Variants in CDC42BPG observed in about 807,000 individuals in gnomAD.
CDC42BPG encodes the protein CDC42 binding protein kinase gamma.
Under a neutral mutation model 192.2 loss-of-function variants are expected in CDC42BPG, and 157 were observed. The ratio of observed to expected loss-of-function variants is 0.82; its 90% CI spans 0.72 to 0.93. The LOEUF is 0.93. CDC42BPG is among the 40% of genes least tolerant of loss of function. The pLI, the probability that CDC42BPG is intolerant of heterozygous loss-of-function variation, is 0.00. For synonymous variants in CDC42BPG, 981 were observed against 918.5 expected (o/e 1.07, Z -1.23); for missense variants, 1,992 against 2,122.1 (o/e 0.94, Z 1.20).
chr11:64,830,107 T>C, intron 29 of CDC42BPG, 37 bp from the exon 30 acceptor site: 7 of 1,608,862 alleles, frequency 4.4e-6, no homozygotes, highest in Non-Finnish European at 5.9e-6. Flanking sequence ...CACTGGCAGG[T>C]GGTTGAAGAG....
rs1376237336 is a variant in CDC42BPG at position 64,827,125 on chromosome 11, CGA to C, written c.4312_4313del (p.Ser1438AlafsTer108). On this transcript the variant is annotated frameshift_variant, in exon 34 of 37. Transcript: ENST00000342711. LOFTEE classifies it high-confidence loss of function. ...KDPFVRSKLI[S>X]PPTNFNHLVH... is the part of the protein sequence containing the mutation. ...CTAGGTGGTTGAAGTTGGTAGGCGG[CGA>C]GATGAGCTTGGAGCGCACAAAAGGG... The C allele has an allele frequency of 1.2e-6, 2 of 1,613,996 alleles. No homozygotes were observed. Among genetic ancestry groups the C allele is most frequent in the African/African-American group, 1.3e-5 (1 of 74,920 alleles).
At position 64,827,695 on chromosome 11, in the gene CDC42BPG, C is replaced by T. The variant is rs537285307; in HGVS notation, c.4056G>A (p.Pro1352=). The stretch of plus-strand genomic sequence containing the variant: ...TCTGGCGGACCCTCACCTTCTTGAG[C>T]GGCACGGTCTGCACCCATTCTGCCC... ...VRRAEWVQTV[P]LKKVRPLNPE... The change falls in exon 31 of 37, where the codon CCG becomes CCA. Residue 1352 remains proline, a synonymous_variant. Coordinates refer to ENST00000342711, the MANE Select transcript of CDC42BPG (RefSeq NM_017525.3). The T allele has an allele frequency of 6.2e-6, 10 of 1,610,746 alleles. No homozygotes were observed. Among genetic ancestry groups the T allele is most frequent in the Middle Eastern group, 1.7e-4 (1 of 6,058 alleles).
Position 64,837,020 on chromosome 11 carries a change from C to A in CDC42BPG, c.1206-1G>T. On this transcript the variant is annotated splice_acceptor_variant, in intron 9 of 36. Transcript: ENST00000342711. LOFTEE classifies it high-confidence loss of function. ...CTCAGAGCTGCTCTCAGGACTGTGA[C>A]TGTAGGGGGACAGGGGCCATGTTTG... The A allele has an allele frequency of 6.2e-7, 1 of 1,612,096 alleles. No individual in the cohort carries two copies. The highest frequency in any genetic ancestry group is 2.2e-5 in the East Asian group (1 of 44,876).
In CDC42BPG at chr11:64,838,080, C is replaced by T. The variant is rs1268420370; in HGVS notation, c.1205+3G>A. On this transcript the variant is annotated splice_donor_region_variant and intron_variant, in intron 9 of 36. Coordinates refer to ENST00000342711, the MANE Select transcript of CDC42BPG (RefSeq NM_017525.3). ...CCACCAGGTGTGTGAGGACTAGCCT[C>T]ACCTGCCTGAGGTGTAGGTGAAGCC... The T allele has an allele frequency of 3.2e-6, 5 of 1,550,282 alleles. No homozygotes were observed. The East Asian group carries it at 7.3e-5, about 23-fold the overall frequency.
rs767875186 is a variant in CDC42BPG at position 64,824,546 on chromosome 11, AG to A, written c.4600-18del. 1.3e-6 allele frequency: 2 copies of A among 1,584,552 alleles called. No homozygotes were observed. Among genetic ancestry groups the A allele is most frequent in the Admixed American group, 3.4e-5 (2 of 59,694 alleles). ...TTCTGAGACCTGCAGGAGAAAGAAA[AG>A]GAAGTCAAGGGGTAGGATCAGGAAG... On this transcript the variant is annotated intron_variant, in intron 36 of 36. Coordinates refer to ENST00000342711, the MANE Select transcript of CDC42BPG (RefSeq NM_017525.3).
rs759836617 is a variant in CDC42BPG at position 64,832,672 on chromosome 11, C to A, written c.2937G>T (p.Leu979=). The A allele has an allele frequency of 4.3e-6, 7 of 1,613,516 alleles. No individual in the cohort carries two copies. In the East Asian group the frequency reaches 1.3e-4, roughly 31 times the overall value. Residue 979 remains leucine, a synonymous_variant, in exon 26 of 37, where the codon CTG becomes CTT. Coordinates refer to ENST00000342711, the MANE Select transcript of CDC42BPG (RefSeq NM_017525.3). ...VFAALSDSRL[L]LFDAPDLRLS... is the part of the protein sequence containing the mutation. ...GCCTCAGGTCAGGGGCGTCAAACAGCAGCAGGCGTGAGTCACTCAGGGCAG... is the reference window on the plus strand; with the variant it reads ...GCCTCAGGTCAGGGGCGTCAAACAGAAGCAGGCGTGAGTCACTCAGGGCAG...
chr11:64,833,465 G>T, intron 23 of CDC42BPG, 129 bp from the exon 24 acceptor site: 1 of 998,112 alleles, frequency 1.0e-6, no homozygotes, highest in Non-Finnish European at 1.5e-6. Flanking sequence ...TATGGCGGCA[G>T]GCAAGCTCAT....
intron 36 of CDC42BPG, 113 bp from the exon 37 acceptor site, chr11:64,824,642 C>T: frequency 1.5e-6 from 1 of 681,282 alleles, no homozygotes; most frequent in Non-Finnish European, 2.6e-6. Context: ...GTATCAGGGC[C>T]CCTGGAGGAA....
In CDC42BPG at chr11:64,835,046, C is replaced by A. The variant is rs1215718782; in HGVS notation, c.2060+1G>T. On this transcript the variant is annotated splice_donor_variant, in intron 17 of 36. Coordinates refer to ENST00000342711, the MANE Select transcript of CDC42BPG (RefSeq NM_017525.3). LOFTEE classifies it high-confidence loss of function. ...CACCCCGACCCACCCCTGGCACCCACCAGCTGAGGATGTCGGCGAGCTGGG... is the reference window on the plus strand; with the variant it reads ...CACCCCGACCCACCCCTGGCACCCAACAGCTGAGGATGTCGGCGAGCTGGG... 6.2e-7 allele frequency: 1 copy of A among 1,606,000 alleles called. No individual in the cohort carries two copies.
chr11:64,840,763 C>G lies in CDC42BPG; in HGVS notation c.337-115G>C, dbSNP rs80090717. The stretch of plus-strand genomic sequence containing the variant: ...TGAGTCTGGGAGCTCAGATGGAGGT[C>G]ATAGCTCTACTGTCCCCTGTCTGGC... On this transcript the variant is annotated intron_variant, in intron 3 of 36. Transcript: ENST00000342711. 4,541 of 781,600 alleles carry G rather than the reference C, an allele frequency of 5.8e-3. 123 individuals are homozygous for G. In the African/African-American group the frequency reaches 0.065, roughly 11 times the overall value. 48.4% of individuals were successfully genotyped at this position (781,600 alleles called of 1,614,324 possible).
chr11:64,826,898 C>A, intron 34 of CDC42BPG, 104 bp from the exon 35 acceptor site: 1 of 1,328,422 alleles, frequency 7.5e-7, no homozygotes. Context: ...GGGCCCCCAG[C>A]CTGGTTTTAC....
In CDC42BPG at chr11:64,834,544, T is replaced by A; in HGVS notation, c.2209A>T (p.Met737Leu). The A allele has an allele frequency of 6.3e-7, 1 of 1,584,238 alleles. No individual in the cohort carries two copies. Among genetic ancestry groups the A allele is most frequent in the Non-Finnish European group, 8.6e-7 (1 of 1,161,838 alleles). The change falls in exon 19 of 37, where the codon ATG (methionine) becomes TTG (leucine). Residue 737 changes from methionine to leucine, a missense_variant. Physicochemically the swap from Met to Leu is conservative, Grantham distance 15 (BLOSUM62 2). Around this residue, in one of 2 missense-constraint regions of CDC42BPG, gnomAD observed 1,656 missense variants for 1,844.3 expected, o/e 0.90. Transcript: ENST00000342711. The part of the protein sequence containing the change: ...HQWKARRLQK[M>L]EASARLELQS... ...AGCTCCAGCCTGGCCGAGGCCTCCA[T>A]CTTCTGCAGTCGCCGCGCCTTCCAC...
rs372149992 is a variant in CDC42BPG, at chr11:64,836,197, G to A, written c.1588C>T (p.Gln530Ter). 1.3e-6 allele frequency: 2 copies of A among 1,597,764 alleles called. No individual in the cohort carries two copies. The highest frequency in any genetic ancestry group is 2.3e-5 in the East Asian group (1 of 44,272). Residue 530 changes from glutamine to a stop codon, truncating the protein, a stop_gained, in exon 13 of 37, where the codon CAG (glutamine) becomes TAG (stop). Coordinates refer to ENST00000342711, the MANE Select transcript of CDC42BPG (RefSeq NM_017525.3). LOFTEE classifies it high-confidence loss of function. The stretch of plus-strand genomic sequence containing the variant: ...CTAGCTGTGGCCGCCTCTCTCTCCT[G>A]GGCCTCCTGTAGCCTCTGAAGCAGC... ...EELLQRLQEA[Q>*]EREAATASQT...
chr11:64,836,934 T>G lies in CDC42BPG; in HGVS notation c.1291A>C (p.Arg431=), dbSNP rs747306125. The change falls in exon 10 of 37, where the codon AGG becomes CGG. Residue 431 remains arginine, a synonymous_variant. Coordinates refer to ENST00000342711, the MANE Select transcript of CDC42BPG (RefSeq NM_017525.3). ...CLEQEKVELS[R]KHQEALHAPT... ...CCGCTCCCAGTACCTTGGTGCTTCC[T>G]GCTCAGCTCCACCTTCTCCTGCTCC... is the stretch of plus-strand genomic sequence containing the variant. 2 of 1,613,394 alleles carry G rather than the reference T, an allele frequency of 1.2e-6. No individual in the cohort carries two copies. Among genetic ancestry groups the G allele is most frequent in the East Asian group, 4.5e-5 (2 of 44,872 alleles).
At position 64,833,782 on chromosome 11, in the gene CDC42BPG, C is replaced by T. The variant is rs1942830219; in HGVS notation, c.2521G>A (p.Glu841Lys). The T allele has an allele frequency of 1.2e-6, 2 of 1,614,240 alleles. No individual in the cohort carries two copies. Among genetic ancestry groups the T allele is most frequent in the Non-Finnish European group, 1.7e-6 (2 of 1,180,044 alleles). Residue 841 changes from glutamate to lysine, a missense_variant, in exon 22 of 37, where the codon GAG becomes AAG. Glu to Lys is a moderately conservative substitution (Grantham distance 56, BLOSUM62 1). Coordinates refer to ENST00000342711, the MANE Select transcript of CDC42BPG (RefSeq NM_017525.3). ...ISGEATRHGG[E>K]PDLRPEGRRS... Reference sequence around the variant, plus strand: ...CGGCCCTCCGGCCTCAGATCTGGCTCTCCTCCATGCCTTGTGGCCTCTCCT... The same window carrying T: ...CGGCCCTCCGGCCTCAGATCTGGCTTTCCTCCATGCCTTGTGGCCTCTCCT...
intron 28 of CDC42BPG, among the ~76,000 whole-genome samples, chr11:64,830,892 C>T (rs1942653892): frequency 6.6e-6 from 1 of 152,212 alleles, no homozygotes; most frequent in South Asian, 2.1e-4. Flanking sequence ...AGTGAGACAG[C>T]CAGGACTGAA....
chr11:64,824,979 T>C (rs1167963833), intron 36 of CDC42BPG, among the ~76,000 whole-genome samples: 2 of 151,970 alleles, frequency 1.3e-5, no homozygotes, highest in East Asian at 3.9e-4. Context: ...TGCAGTGGCA[T>C]GATCTTGGCT....
Position 64,834,359 on chromosome 11 carries a change from G to T in CDC42BPG, c.2325-5C>A. 1 of 1,567,882 alleles carries T rather than the reference G, an allele frequency of 6.4e-7. No homozygotes were observed. The highest frequency in any genetic ancestry group is 8.6e-7 in the Non-Finnish European group (1 of 1,160,400). On this transcript the variant is annotated splice_region_variant and splice_polypyrimidine_tract_variant and intron_variant, in intron 19 of 36. Coordinates refer to ENST00000342711, the MANE Select transcript of CDC42BPG (RefSeq NM_017525.3). ...TTCTCGGCCTCCTGCAGACGGCTGGGGAGAATGGCAAGGGCTCGCCACTGG... is the reference window on the plus strand; with the variant it reads ...TTCTCGGCCTCCTGCAGACGGCTGGTGAGAATGGCAAGGGCTCGCCACTGG...
intron 36 of CDC42BPG, among the ~76,000 whole-genome samples, chr11:64,826,067 G>GA (rs10692629): frequency 0.19 from 25,944 of 133,978 alleles, 4,126 homozygotes; most frequent in East Asian, 0.42. Flanking sequence ...ACTCCATCTG[G>GA]AAAAAAAAAA....
Sources: allele counts gnomAD v4.1 joint callset (sites outside exome capture counted in the v4.1 genomes callset), GRCh38; gene constraint gnomAD v4.1.1; regional missense constraint gnomAD v4.1.1; transcripts MANE v1.5; gene names NCBI Gene and HGNC (gene_info 2026-07-23, HGNC 2026-07-21).